LPIN2: variants seen among roughly 807,000 people sequenced by gnomAD.
The protein encoded by LPIN2 is phosphatidate phosphatase LPIN2.
A neutral mutation model predicts 111.4 loss-of-function variants in LPIN2; 55 were observed. The ratio of observed to expected loss-of-function variants is 0.49; its 90% CI spans 0.40 to 0.62. The LOEUF (loss-of-function observed/expected upper bound fraction) is 0.62. Among genes scored for constraint, LPIN2 ranks in the 20% least tolerant of loss-of-function variants. LPIN2 has a pLI of 0.00. For synonymous variants in LPIN2, 425 were observed against 414.0 expected, an observed-to-expected ratio of 1.03 and a Z score of -0.32; for missense variants, 992 against 1,112.1, an observed-to-expected ratio of 0.89 and a Z score of 1.54.
chr18:2,922,254 CAAAAA>C, intron 16 of LPIN2, 55 bp from the exon 17 acceptor site: 2 of 1,546,822 alleles, frequency 1.3e-6, no homozygotes, highest in Non-Finnish European at 1.8e-6. Flanking sequence ...GAAAAGAAAA[CAAAAA>C]ACAAAAAAAA....
In LPIN2 at chr18:2,960,703, T is replaced by A; in HGVS notation, c.138A>T (p.Ser46=). Residue 46 remains serine, a synonymous_variant, in exon 2 of 20, where the codon TCA becomes TCT. Coordinates refer to ENST00000677752, the MANE Select transcript of LPIN2 (RefSeq NM_001375808.2). The part of the protein sequence containing the change: ...VQQQDGSYQC[S]PFHVRFGKLG... The stretch of plus-strand genomic sequence containing the variant: ...GCTTTCCAAACCGAACGTGAAAAGG[T>A]GAACACTGATAGCTGCCATCCTGCT... 6.2e-7 allele frequency: 1 copy of A among 1,614,002 alleles called. No homozygotes were observed.
Position 2,925,440 on chromosome 18 carries a change from C to T in LPIN2, c.1794-72G>A, listed in dbSNP as rs2077117188. The T allele has an allele frequency of 1.3e-6, 2 of 1,593,480 alleles. No homozygotes were observed. The highest frequency in any genetic ancestry group is 3.3e-5 in the Admixed American group (2 of 59,972). On this transcript the variant is annotated intron_variant, in intron 13 of 19. Transcript: ENST00000677752. The surrounding 1 kb of genome is among the most constrained non-coding windows in gnomAD (Gnocchi z 4.1). ...TTGATGAGAGCTTTTCATTTAGGAT[C>T]AAGAAAATAAAGATATCCTAAATCT...
At chr18:2,975,100 C>T (rs2077989190) in intron 1 of LPIN2, among the ~76,000 whole-genome samples, 1 of 152,176 alleles carries the variant, frequency 6.6e-6, no homozygotes, top group Admixed American at 6.5e-5. Context: ...ATTCATTGTA[C>T]TAATAAGAAA....
intron 1 of LPIN2, among the ~76,000 whole-genome samples, chr18:3,006,775 T>G (rs1286804429): frequency 4.6e-5 from 7 of 151,260 alleles, no homozygotes; most frequent in Admixed American, 2.0e-4. Context: ...AGGCGGAGCT[T>G]GCAGTGAGCA....
At position 2,931,635 on chromosome 18, in the gene LPIN2, T is replaced by C. The variant is rs112544762; in HGVS notation, c.1269-192A>G. On this transcript the variant is annotated intron_variant, in intron 8 of 19. Transcript: ENST00000677752. The stretch of plus-strand genomic sequence containing the variant: ...ATAAATGACATGAAAGATAACCTAA[T>C]ATAGTACCAGTGAGAAATTAACTGT... 2.0e-3 allele frequency among the ~76,000 whole-genome samples: 310 copies of C among 152,352 alleles called. 1 individual carries two copies. Among genetic ancestry groups the C allele is most frequent in the African/African-American group, 7.3e-3 (303 of 41,572 alleles).
intron 1 of LPIN2, among the ~76,000 whole-genome samples, chr18:2,971,626 T>C (rs2077913661): frequency 6.6e-6 from 1 of 151,926 alleles, no homozygotes. Context: ...AATGAATGAA[T>C]GCAAGACCTA....
chr18:2,982,187 G>A (rs1160332431), intron 1 of LPIN2, among the ~76,000 whole-genome samples: 2 of 152,070 alleles, frequency 1.3e-5, no homozygotes, highest in East Asian at 3.8e-4. Context: ...GATCACAGAA[G>A]AAAGCAACTG....
At chr18:2,924,051 G>A (rs2077095230) in intron 15 of LPIN2, among the ~76,000 whole-genome samples, 190 bp from the exon 16 acceptor site, 2 of 152,174 alleles carry the variant, frequency 1.3e-5, no homozygotes, top group South Asian at 2.1e-4. Flanking sequence ...TTCTGAAAGC[G>A]GAGTCTCACG....
rs563254325 is a variant in LPIN2 at position 2,941,719 on chromosome 18, G to A, written c.591-1007C>T. ...AGGCGGGTGGATCACGAGGTCAGGG[G>A]TTCAAGACCAGCCTGGCCAAGATGG... On this transcript the variant is annotated intron_variant, in intron 4 of 19. Coordinates refer to ENST00000677752, the MANE Select transcript of LPIN2 (RefSeq NM_001375808.2). Among the ~76,000 whole-genome samples, 434 of 152,342 alleles carry A rather than the reference G, an allele frequency of 2.8e-3. 4 individuals are homozygous for A. Among genetic ancestry groups the A allele is most frequent in the African/African-American group, 0.01 (423 of 41,582 alleles).
At chr18:3,007,327 A>C (rs540714873) in intron 1 of LPIN2, among the ~76,000 whole-genome samples, 1 of 152,044 alleles carries the variant, frequency 6.6e-6, no homozygotes, top group Admixed American at 6.6e-5. Context: ...GCCCCCCACC[A>C]CGTCTGGCTA....
At chr18:2,966,459 G>C (rs932564060) in intron 1 of LPIN2, among the ~76,000 whole-genome samples, 5 of 152,172 alleles carry the variant, frequency 3.3e-5, no homozygotes, top group Non-Finnish European at 1.5e-5. Flanking sequence ...CCATTTATAT[G>C]TGGAAACTCG....
intron 4 of LPIN2, among the ~76,000 whole-genome samples, chr18:2,942,372 C>CTTTA (rs1159704959): frequency 6.6e-6 from 1 of 152,140 alleles, no homozygotes; most frequent in African/African-American, 2.4e-5. Context: ...TGTGAATGGT[C>CTTTA]TTTATTTGCC....
intron 1 of LPIN2, among the ~76,000 whole-genome samples, chr18:3,005,392 C>T (rs188524417): frequency 7.2e-5 from 11 of 151,928 alleles, no homozygotes; most frequent in East Asian, 1.9e-4. Flanking sequence ...AAAAGTGTCT[C>T]GGCAGGGCAC....
In LPIN2 at chr18:2,921,644, T is replaced by G. The variant is rs752480318; in HGVS notation, c.2331A>C (p.Glu777Asp). 6.3e-7 allele frequency: 1 copy of G among 1,584,202 alleles called. No individual in the cohort carries two copies. ...PSSLFSAFHR[E>D]VIEKKPEKFK... ...ACTTCTCTGGTTTCTTTTCTATCACTTCTCTAAGAAAAAAATACAAATACA... is the reference window on the plus strand; with the variant it reads ...ACTTCTCTGGTTTCTTTTCTATCACGTCTCTAAGAAAAAAATACAAATACA... The change falls in exon 18 of 20, where the codon GAA (glutamate) becomes GAC (aspartate). Residue 777 changes from glutamate (E) to aspartate (D), a missense_variant. Coordinates refer to ENST00000677752, the MANE Select transcript of LPIN2 (RefSeq NM_001375808.2).
chr18:3,001,364 G>A (rs72871494), intron 1 of LPIN2, among the ~76,000 whole-genome samples: 1 of 151,988 alleles, frequency 6.6e-6, no homozygotes. Flanking sequence ...CTGGTACTAA[G>A]AAATGTAAAC....
chr18:3,001,513 TATTGAGAGCTTAGTATAAAGA>T (rs1360205496), intron 1 of LPIN2, among the ~76,000 whole-genome samples: 3 of 151,966 alleles, frequency 2.0e-5, no homozygotes, highest in African/African-American at 7.3e-5. Flanking sequence ...TAGAAAATGG[TATTGAGAGCTTAGTATAAAGA>T]ATTGTGCGTG....
intron 1 of LPIN2, among the ~76,000 whole-genome samples, chr18:2,964,223 C>T (rs1249216436): frequency 8.0e-6 from 1 of 124,254 alleles, no homozygotes; most frequent in Non-Finnish European, 1.5e-5. Flanking sequence ...GCGGAGGGTG[C>T]AGTGAGCCGA....
At chr18:3,000,584 G>A (rs186063249) in intron 1 of LPIN2, among the ~76,000 whole-genome samples, 3 of 152,344 alleles carry the variant, frequency 2.0e-5, no homozygotes, top group East Asian at 1.9e-4. Context: ...GGCACGTAGT[G>A]CCAGCTACTT....
intron 1 of LPIN2, among the ~76,000 whole-genome samples, chr18:2,979,917 C>T (rs541230680): frequency 6.6e-6 from 1 of 152,258 alleles, no homozygotes; most frequent in African/African-American, 2.4e-5. Context: ...AGTGAGCCTA[C>T]CAAAGCACAC....
Sources: allele counts gnomAD v4.1 joint callset (sites outside exome capture counted in the v4.1 genomes callset), GRCh38; gene constraint gnomAD v4.1.1; non-coding constraint Gnocchi (gnomAD v3.1); transcripts MANE v1.5; gene names NCBI Gene and HGNC (gene_info 2026-07-23, HGNC 2026-07-21).